CTNNAL1: variants seen among roughly 807,000 people sequenced by gnomAD.
The protein encoded by CTNNAL1 is alpha-catulin.
In CTNNAL1, 69 loss-of-function variants were observed where a neutral mutation model predicts 93.6. The ratio of observed to expected loss-of-function variants is 0.74; its 90% CI spans 0.61 to 0.90. CTNNAL1 has a LOEUF of 0.90. CTNNAL1 is among the 40% of genes least tolerant of loss of function. The pLI, the probability that CTNNAL1 is intolerant of heterozygous loss-of-function variation, is 0.00. For synonymous variants in CTNNAL1, 286 were observed against 305.4 expected, an observed-to-expected ratio of 0.94 and a Z score of 0.66; for missense variants, 836 against 862.0, an observed-to-expected ratio of 0.97 and a Z score of 0.38.
chr9:109,008,803 T>A (rs1335654001), intron 1 of CTNNAL1, among the ~76,000 whole-genome samples: 1 of 151,956 alleles, frequency 6.6e-6, no homozygotes, highest in Non-Finnish European at 1.5e-5. Context: ...TACAAATCAT[T>A]TGTTGGTTAT....
In CTNNAL1 at chr9:108,952,234, C is replaced by G. The variant is rs778579119; in HGVS notation, c.1810G>C (p.Ala604Pro). Reference sequence around the variant, plus strand: ...CTAGTAAATAAATACAGAGAATAGGCCATACTGGACATGTTCCGTCCATAT... The same window carrying G: ...CTAGTAAATAAATACAGAGAATAGGGCATACTGGACATGTTCCGTCCATAT... ...VQYGRNMSSM[A>P]YSLYLFTRGE... The change falls in exon 14 of 19, where the codon GCC (alanine) becomes CCC (proline). Residue 604 changes from alanine (A) to proline (P), a missense_variant. By Grantham distance (27) the Ala-to-Pro change is conservative. Coordinates refer to ENST00000325551, the MANE Select transcript of CTNNAL1 (RefSeq NM_003798.4). 1.2e-6 allele frequency: 2 copies of G among 1,613,258 alleles called. No homozygotes were observed. The highest frequency in any genetic ancestry group is 1.7e-6 in the Non-Finnish European group (2 of 1,179,438).
At chr9:109,005,257 T>C (rs1387742346) in intron 1 of CTNNAL1, among the ~76,000 whole-genome samples, 2 of 151,508 alleles carry the variant, frequency 1.3e-5, no homozygotes, top group Non-Finnish European at 2.9e-5. Context: ...ATTGTTACTA[T>C]CACATGAAAA....
chr9:109,013,166 C>G, intron 1 of CTNNAL1, 136 bp downstream of exon 1: 1 of 1,119,096 alleles, frequency 8.9e-7, no homozygotes, highest in Non-Finnish European at 1.2e-6. Context: ...CCCACACAGG[C>G]GGTCCGACAA....
intron 14 of CTNNAL1, chr9:108,950,553 T>C: frequency 6.4e-7 from 1 of 1,550,392 alleles, no homozygotes; most frequent in East Asian, 2.4e-5. Context: ...AAGAGGAAAA[T>C]GATGCCTCTA....
At chr9:108,950,537 GTCA>G (rs1345386359) in intron 14 of CTNNAL1, 1 of 1,550,310 alleles carries the variant, frequency 6.5e-7, no homozygotes, top group East Asian at 2.4e-5. Context: ...GGTAGAAGAC[GTCA>G]TCAAGAGGAA....
chr9:109,012,616 G>C (rs1455774290), intron 1 of CTNNAL1, among the ~76,000 whole-genome samples: 1 of 152,206 alleles, frequency 6.6e-6, no homozygotes, highest in Non-Finnish European at 1.5e-5. Flanking sequence ...CATCCCAAAC[G>C]GGACTTGGCA....
chr9:108,961,145 A>G (rs989834566), intron 11 of CTNNAL1, among the ~76,000 whole-genome samples: 5 of 152,250 alleles, frequency 3.3e-5, no homozygotes, highest in African/African-American at 1.2e-4. Context: ...GGTGGCTAGA[A>G]TACAGCAAAG....
intron 15 of CTNNAL1, among the ~76,000 whole-genome samples, chr9:108,947,379 C>T (rs12683697): frequency 0.22 from 33,730 of 152,116 alleles, 4,602 homozygotes; most frequent in East Asian, 0.31. Flanking sequence ...TCCCAAAGTG[C>T]TGGGATTACA....
chr9:109,001,756 C>T (rs1587991730), intron 1 of CTNNAL1, among the ~76,000 whole-genome samples: 1 of 152,354 alleles, frequency 6.6e-6, no homozygotes, highest in South Asian at 2.1e-4. Flanking sequence ...CTTTGGATTA[C>T]TGCAGGCTTG....
intron 11 of CTNNAL1, among the ~76,000 whole-genome samples, 157 bp from the exon 12 acceptor site, chr9:108,955,984 G>A (rs1022313693): frequency 6.6e-6 from 1 of 152,128 alleles, no homozygotes; most frequent in African/African-American, 2.4e-5. Context: ...AAATAAAATT[G>A]TAATTTGGCT....
At chr9:109,000,687 A>C (rs576082624) in intron 1 of CTNNAL1, among the ~76,000 whole-genome samples, 1 of 151,336 alleles carries the variant, frequency 6.6e-6, no homozygotes, top group East Asian at 1.9e-4. Context: ...GCATTCTAGG[A>C]GAAGAAACAG....
chr9:108,969,460 A>T (rs551093810), intron 10 of CTNNAL1, among the ~76,000 whole-genome samples: 1 of 152,228 alleles, frequency 6.6e-6, no homozygotes, highest in Non-Finnish European at 1.5e-5. Context: ...AGGTATTTTC[A>T]TATGTATATA....
intron 1 of CTNNAL1, among the ~76,000 whole-genome samples, chr9:109,004,125 C>T (rs1826939631): frequency 6.6e-6 from 1 of 152,148 alleles, no homozygotes; most frequent in African/African-American, 2.4e-5. Context: ...CATGAAGACA[C>T]TTCACCGGCC....
At chr9:108,952,667 GC>G (rs1830596729) in intron 12 of CTNNAL1, among the ~76,000 whole-genome samples, 173 bp from the exon 13 acceptor site, 2 of 152,126 alleles carry the variant, frequency 1.3e-5, no homozygotes, top group Admixed American at 6.5e-5. Flanking sequence ...AGTGAGTTCA[GC>G]TTTGAATAGG....
chr9:108,976,452 G>A (rs1028874299), intron 8 of CTNNAL1, among the ~76,000 whole-genome samples: 7 of 152,084 alleles, frequency 4.6e-5, no homozygotes, highest in African/African-American at 1.7e-4. Flanking sequence ...ATAAAGTGAT[G>A]AAAATTCATG....
At chr9:108,996,909 TATATAACC>T (rs1832042521) in intron 2 of CTNNAL1, among the ~76,000 whole-genome samples, 2 of 99,090 alleles carry the variant, frequency 2.0e-5, no homozygotes, top group Admixed American at 2.4e-4. Flanking sequence ...ACAATGAGAT[TATATAACC>T]CTTTGTTTCC....
At chr9:108,970,350 A>G (rs1831075839) in intron 10 of CTNNAL1, 52 bp downstream of exon 10, 2 of 1,502,238 alleles carry the variant, frequency 1.3e-6, no homozygotes, top group Middle Eastern at 1.7e-4. Flanking sequence ...ACAACTTGTT[A>G]TAACACTCAG....
chr9:108,959,687 G>C (rs574516203), intron 11 of CTNNAL1, among the ~76,000 whole-genome samples: 1 of 152,214 alleles, frequency 6.6e-6, no homozygotes, highest in East Asian at 1.9e-4. Context: ...AAAATAGTTG[G>C]AAAAACAGGA....
intron 1 of CTNNAL1, among the ~76,000 whole-genome samples, chr9:109,010,199 C>T (rs1184545280): frequency 6.6e-6 from 1 of 152,110 alleles, no homozygotes; most frequent in African/African-American, 2.4e-5. Context: ...GCCAGTGCGC[C>T]TGTGCCTTGT....
Sources: allele counts gnomAD v4.1 joint callset (sites outside exome capture counted in the v4.1 genomes callset), GRCh38; gene constraint gnomAD v4.1.1; transcripts MANE v1.5; gene names NCBI Gene and HGNC (gene_info 2026-07-23, HGNC 2026-07-21).